The following C4BPB variants were observed in gnomAD, a reference collection of about 807,000 sequenced individuals.
C4BPB encodes C4b-binding protein beta chain.
C4BPB carries 19 observed loss-of-function variants against 26.6 expected under a neutral mutation model. The ratio of observed to expected loss-of-function variants is 0.71; its 90% CI spans 0.50 to 1.05. The LOEUF is 1.05. C4BPB is among the 50% of genes least tolerant of loss of function. C4BPB has a pLI of 0.00. For synonymous variants in C4BPB, 118 were observed against 103.5 expected (o/e 1.14, Z -0.85); for missense variants, 282 against 302.9 (o/e 0.93, Z 0.51).
chr1:207,090,953 C>T (rs938543768), intron 3 of C4BPB, among the ~76,000 whole-genome samples: 2 of 152,056 alleles, frequency 1.3e-5, no homozygotes, highest in South Asian at 2.1e-4. Context: ...TTTATTTCAC[C>T]TATCATATAA....
At chr1:207,098,576 G>A (rs943007040) in intron 6 of C4BPB, among the ~76,000 whole-genome samples, 14 of 152,180 alleles carry the variant, frequency 9.2e-5, no homozygotes, top group African/African-American at 3.4e-4. Flanking sequence ...TATCATGGAA[G>A]ATGACTTTTC....
intron 6 of C4BPB, 136 bp from the exon 7 acceptor site, chr1:207,099,653 A>T: frequency 1.7e-6 from 1 of 603,456 alleles, no homozygotes; most frequent in Admixed American, 3.3e-5. Flanking sequence ...TGCCATGTTG[A>T]AAACCCAAAT....
chr1:207,096,703 T>A, intron 5 of C4BPB, 88 bp downstream of exon 5: 2 of 723,174 alleles, frequency 2.8e-6, no homozygotes, highest in Non-Finnish European at 4.8e-6. Context: ...CACCTGGTCA[T>A]CTGATTTCCT....
intron 3 of C4BPB, 26 bp from the exon 4 acceptor site, chr1:207,091,618 A>G (rs1457096930): frequency 6.3e-7 from 1 of 1,599,872 alleles, no homozygotes; most frequent in Non-Finnish European, 8.5e-7. Context: ...TTGCCCTTTC[A>G]GCTTATTGCT....
In C4BPB at chr1:207,096,663, A is replaced by G. The variant is rs186246030; in HGVS notation, c.503+48A>G. 27 of 1,093,036 alleles carry G rather than the reference A, an allele frequency of 2.5e-5. No individual in the cohort carries two copies. In the East Asian group the frequency reaches 6.0e-4, roughly 24 times the overall value. 67.7% of individuals were successfully genotyped at this position (1,093,036 alleles called of 1,614,324 possible). A position where few individuals can be genotyped will look rare whatever the true frequency, so the allele number is the denominator to read the frequency against. On this transcript the variant is annotated intron_variant, in intron 5 of 6. Coordinates refer to ENST00000367078, the MANE Select transcript of C4BPB (RefSeq NM_001017365.3). Reference sequence around the variant, plus strand: ...ATGCCAGATCTTGCCCCTTGGCAGCATTGTTTTGGGGAATAACCCAGTCTG... The same window carrying G: ...ATGCCAGATCTTGCCCCTTGGCAGCGTTGTTTTGGGGAATAACCCAGTCTG...
intron 4 of C4BPB, 26 bp from the exon 5 acceptor site, chr1:207,096,496 A>G (rs571363662): frequency 7.0e-7 from 1 of 1,422,996 alleles, no homozygotes; most frequent in East Asian, 2.3e-5. Flanking sequence ...CCTCATAACT[A>G]TGACTTCTAT....
At chr1:207,098,453 T>C (rs568835249) in intron 6 of C4BPB, among the ~76,000 whole-genome samples, 189 bp downstream of exon 6, 1 of 152,338 alleles carries the variant, frequency 6.6e-6, no homozygotes, top group East Asian at 1.9e-4. Context: ...AAGTTGGAAG[T>C]TCCCATTCAC....
intron 6 of C4BPB, among the ~76,000 whole-genome samples, chr1:207,098,973 T>G (rs1044292646): frequency 4.6e-5 from 7 of 151,088 alleles, no homozygotes; most frequent in African/African-American, 1.5e-4. Context: ...CATCTGGGAG[T>G]GATGGGAGAC....
At position 207,099,977 on chromosome 1, in the gene C4BPB, T is replaced by A. The variant is rs1326088938; in HGVS notation, c.*48T>A. The A allele has an allele frequency of 1.3e-6, 2 of 1,543,204 alleles. No homozygotes were observed. The highest frequency in any genetic ancestry group is 1.4e-5 in the African/African-American group (1 of 72,226). ...TAGAAATAAACCTATGAATAAATTT[T>A]CTTCTTGGTTCTGAAATTGGTTTCA... On this transcript the variant is annotated 3_prime_UTR_variant, in exon 7 of 7. Transcript: ENST00000367078.
intron 5 of C4BPB, among the ~76,000 whole-genome samples, chr1:207,097,644 T>G (rs1000154828): frequency 6.6e-6 from 1 of 151,962 alleles, no homozygotes; most frequent in Non-Finnish European, 1.5e-5. Context: ...AGCCCCCTAA[T>G]TAACTCAGAG....
chr1:207,095,166 G>A lies in C4BPB; in HGVS notation c.410-1356G>A, dbSNP rs982460159. The A allele has an allele frequency of 3.5e-4, 141 of 399,288 alleles. 1 individual carries two copies. Among genetic ancestry groups the A allele is most frequent in the African/African-American group, 2.3e-3 (111 of 48,120 alleles). The allele number at this position is 399,288 out of a possible 1,614,324, so 24.7% of individuals were successfully genotyped here. A position where few individuals can be genotyped will look rare whatever the true frequency, so the allele number is the denominator to read the frequency against. ...CCTTAGAGATGATATTATTTAACCT[G>A]CTTATCTGATAATATTAGGAAGGAA... is the stretch of plus-strand genomic sequence containing the variant. On this transcript the variant is annotated intron_variant, in intron 4 of 6. Transcript: ENST00000367078.
intron 3 of C4BPB, 130 bp from the exon 4 acceptor site, chr1:207,091,514 T>C (rs1684024069): frequency 3.0e-6 from 2 of 664,898 alleles, no homozygotes; most frequent in Non-Finnish European, 5.2e-6. Context: ...ACCATGTACT[T>C]CACTCAATTA....
chr1:207,090,876 T>C lies in C4BPB; in HGVS notation c.232+395T>C, dbSNP rs1336812355. On this transcript the variant is annotated intron_variant, in intron 3 of 6. Coordinates refer to ENST00000367078, the MANE Select transcript of C4BPB (RefSeq NM_001017365.3). ...ACTCATCACATAATTTCATCAATTA[T>C]CCACACATGATAATCTTGTTTCATG... Among the ~76,000 whole-genome samples the C allele has an allele frequency of 2.0e-5, 3 of 152,236 alleles. No individual in the cohort carries two copies. In the East Asian group the frequency reaches 5.8e-4, roughly 29 times the overall value.
rs148205272 is a variant in C4BPB at position 207,090,315 on chromosome 1, C to T, written c.66C>T (p.His22=). The T allele has an allele frequency of 2.3e-4, 374 of 1,608,068 alleles. No individual in the cohort carries two copies. The African/African-American group carries it at 4.5e-3, about 19-fold the overall frequency. Residue 22 remains histidine (H), a synonymous_variant, in exon 3 of 7, where the codon CAC becomes CAT. Transcript: ENST00000367078. The part of the protein sequence containing the change: ...AWRVSASDAE[H]CPELPPVDNS... ...TTTTCTTTTTTCTTCCAGCAGAGCACTGTCCAGAGCTTCCTCCAGTGGACA... is the reference window on the plus strand; with the variant it reads ...TTTTCTTTTTTCTTCCAGCAGAGCATTGTCCAGAGCTTCCTCCAGTGGACA...
At chr1:207,093,679 A>T (rs1684132469) in intron 4 of C4BPB, among the ~76,000 whole-genome samples, 1 of 152,148 alleles carries the variant, frequency 6.6e-6, no homozygotes, top group Admixed American at 6.5e-5. Context: ...ATGAGATAAT[A>T]TATTTATTAC....
At chr1:207,090,249 T>TA in intron 2 of C4BPB, 59 bp from the exon 3 acceptor site, 1 of 1,329,406 alleles carries the variant, frequency 7.5e-7, no homozygotes, top group Admixed American at 2.2e-5. Flanking sequence ...GGAAATCTAA[T>TA]AAGGGTTCTC....
At chr1:207,095,442 T>C (rs1684206143) in intron 4 of C4BPB, 1 of 455,776 alleles carries the variant, frequency 2.2e-6, no homozygotes, top group African/African-American at 2.0e-5. Context: ...GCAGTTCTCA[T>C]GCCTCAGCCT....
rs770928392 is a variant in C4BPB, at chr1:207,091,839, A to T, written c.409+19A>T. On this transcript the variant is annotated intron_variant, in intron 4 of 6. Coordinates refer to ENST00000367078, the MANE Select transcript of C4BPB (RefSeq NM_001017365.3). ...AAAAGTAGTAAGTACAAGAGAAACC[A>T]TCAAGGATCCCCAAAATACTGATTA... is the stretch of plus-strand genomic sequence containing the variant. 6.3e-7 allele frequency: 1 copy of T among 1,594,986 alleles called. No individual in the cohort carries two copies. Among genetic ancestry groups the T allele is most frequent in the Non-Finnish European group, 8.5e-7 (1 of 1,170,390 alleles).
chr1:207,091,724 T>C lies in C4BPB; in HGVS notation c.313T>C (p.Phe105Leu), dbSNP rs1469971610. Residue 105 changes from phenylalanine (F) to leucine (L), a missense_variant, in exon 4 of 7, where the codon TTT becomes CTT. Coordinates refer to ENST00000367078, the MANE Select transcript of C4BPB (RefSeq NM_001017365.3). ...TGTGAATGTAAGTGACAAAATCACG[T>C]TTATGTGCAATGACCACTACATCCT... ...GPVNVSDKIT[F>L]MCNDHYILKG... 1 of 1,613,850 alleles carries C rather than the reference T, an allele frequency of 6.2e-7. No individual in the cohort carries two copies. Among genetic ancestry groups the C allele is most frequent in the Non-Finnish European group, 8.5e-7 (1 of 1,179,918 alleles).
Sources: gnomAD v4.1 joint callset for allele counts (sites outside exome capture counted in the v4.1 genomes callset) on GRCh38, gnomAD v4.1.1 for gene constraint, MANE v1.5 for transcripts, NCBI Gene and HGNC (gene_info 2026-07-23, HGNC 2026-07-21) for gene names.